ATP11B: variants seen among roughly 807,000 people sequenced by gnomAD.
ATP11B encodes phospholipid-transporting ATPase IF.
ATP11B carries 81 observed loss-of-function variants against 157.8 expected under a neutral mutation model. The observed-to-expected ratio is 0.51, with a 90% CI of 0.43 to 0.62. The LOEUF is 0.62. ATP11B is among the 20% of genes least tolerant of loss of function. ATP11B has a pLI of 0.00. For missense variants in ATP11B, 1,165 were observed against 1,402.2 expected (o/e 0.83, Z 2.70); for synonymous variants, 451 against 469.4 (o/e 0.96, Z 0.51).
rs1725461792 is a variant in ATP11B at position 182,921,209 on chromosome 3, C to T, written c.*3105C>T. 6.6e-6 allele frequency: 1 copy of T among 152,204 alleles called. No individual in the cohort carries two copies. Among genetic ancestry groups the T allele is most frequent in the Non-Finnish European group, 1.5e-5 (1 of 68,006 alleles). 9.4% of individuals were successfully genotyped at this position (152,204 alleles called of 1,614,324 possible). A position where few individuals can be genotyped will look rare whatever the true frequency, so the allele number is the denominator to read the frequency against. On this transcript the variant is annotated 3_prime_UTR_variant, in exon 30 of 30. Coordinates refer to ENST00000323116, the MANE Select transcript of ATP11B (RefSeq NM_014616.3). ...AGATCAGTTTGGGGTATGATATAAG[C>T]AGGTATTAATAAAAATAACACACCA...
At chr3:182,916,871 T>C (rs1264075343) in intron 29 of ATP11B, 8 of 983,240 alleles carry the variant, frequency 8.1e-6, no homozygotes, top group African/African-American at 1.7e-5. Context: ...AGTTAAAAGT[T>C]ATAGTTAAAA....
At chr3:182,829,791 AT>A in intron 4 of ATP11B, 39 bp downstream of exon 4, 1 of 1,483,256 alleles carries the variant, frequency 6.7e-7, no homozygotes, top group South Asian at 1.3e-5. Context: ...CCTCTAAGTC[AT>A]TTAGAAGTTG....
At chr3:182,896,637 CT>C (rs761140748) in intron 25 of ATP11B, 62 bp from the exon 26 acceptor site, 44 of 1,409,466 alleles carry the variant, frequency 3.1e-5, no homozygotes, top group Non-Finnish European at 4.2e-5. Flanking sequence ...AATTAAATGA[CT>C]TTTTACCTGA....
intron 29 of ATP11B, chr3:182,917,129 A>ATC (rs748245602): frequency 4.5e-5 from 44 of 985,248 alleles, no homozygotes; most frequent in Non-Finnish European, 5.2e-5. Context: ...TATTTGACAA[A>ATC]GGTGAATTGG....
At chr3:182,830,984 G>A (rs979461769) in intron 4 of ATP11B, among the ~76,000 whole-genome samples, 7 of 152,012 alleles carry the variant, frequency 4.6e-5, no homozygotes, top group East Asian at 1.9e-4. Context: ...TTTGGACCTC[G>A]TTTCTATATA....
At chr3:182,824,211 G>T (rs1238844021) in intron 2 of ATP11B, among the ~76,000 whole-genome samples, 2 of 152,166 alleles carry the variant, frequency 1.3e-5, no homozygotes, top group Admixed American at 6.5e-5. Context: ...CTGGAATTGT[G>T]TAGTTAATGT....
intron 2 of ATP11B, among the ~76,000 whole-genome samples, chr3:182,824,711 A>G (rs187236068): frequency 2.4e-4 from 36 of 152,268 alleles, no homozygotes; most frequent in African/African-American, 7.2e-4. Context: ...TTAAAGAAGT[A>G]TTGCCTTTTT....
At chr3:182,837,209 C>T (rs748575542) in intron 7 of ATP11B, 35 bp downstream of exon 7, 2 of 1,412,130 alleles carry the variant, frequency 1.4e-6, no homozygotes, top group Non-Finnish European at 2.0e-6. Context: ...TATTTTAAGT[C>T]CTATTTACAG....
At chr3:182,891,894 C>T (rs1283097031) in intron 25 of ATP11B, among the ~76,000 whole-genome samples, 1 of 152,176 alleles carries the variant, frequency 6.6e-6, no homozygotes. Flanking sequence ...TGTGAAAAGG[C>T]ACATAATCCC....
chr3:182,907,759 A>C (rs1490385262), intron 28 of ATP11B, among the ~76,000 whole-genome samples: 1 of 152,216 alleles, frequency 6.6e-6, no homozygotes, highest in Non-Finnish European at 1.5e-5. Flanking sequence ...TAAAACTATA[A>C]AATTGTGTCC....
rs749833317 is a variant in ATP11B at position 182,889,460 on chromosome 3, C to T, written c.2894C>T (p.Thr965Ile). Residue 965 changes from threonine to isoleucine, a missense_variant, in exon 25 of 30, where the codon ACC becomes ATC. Thr to Ile is a moderately conservative substitution (Grantham distance 89, BLOSUM62 -1). Transcript: ENST00000323116. Reference sequence around the variant, plus strand: ...AGTATTAAAACATTTCTTTATTGGACCATCCTGGGCTTCAGTCATGCCTTT... The same window carrying T: ...AGTATTAAAACATTTCTTTATTGGATCATCCTGGGCTTCAGTCATGCCTTT... Reference protein sequence around the residue: ...LLSIKTFLYWTILGFSHAFIF... With the variant: ...LLSIKTFLYWIILGFSHAFIF... The T allele has an allele frequency of 6.3e-7, 1 of 1,576,170 alleles. No individual in the cohort carries two copies. The highest frequency in any genetic ancestry group is 8.6e-7 in the Non-Finnish European group (1 of 1,166,970).
intron 1 of ATP11B, among the ~76,000 whole-genome samples, chr3:182,818,741 A>C (rs1717122661): frequency 6.6e-6 from 1 of 152,204 alleles, no homozygotes; most frequent in Admixed American, 6.5e-5. Context: ...CTTAATGGAA[A>C]TGCTACAAGG....
chr3:182,879,448 T>C (rs781309019), intron 19 of ATP11B, 48 bp from the exon 20 acceptor site: 2 of 1,503,134 alleles, frequency 1.3e-6, no homozygotes, highest in East Asian at 4.6e-5. Context: ...GTGTAAATAA[T>C]ATGGCTTCAA....
intron 1 of ATP11B, among the ~76,000 whole-genome samples, chr3:182,803,752 C>T (rs895943772): frequency 6.6e-6 from 1 of 152,154 alleles, no homozygotes; most frequent in African/African-American, 2.4e-5. Context: ...GGCATCCTTC[C>T]TCCACGAGTC....
intron 3 of ATP11B, among the ~76,000 whole-genome samples, chr3:182,828,750 TTTC>T (rs1717902566): frequency 6.6e-6 from 1 of 151,682 alleles, no homozygotes; most frequent in Admixed American, 6.6e-5. Context: ...TGTTAGACAG[TTTC>T]TTAATTTTCA....
rs765606018 is a variant in ATP11B at position 182,913,856 on chromosome 3, C to T, written c.3319-5C>T. The stretch of plus-strand genomic sequence containing the variant: ...AACTGATGTTTTCTGCTTCACCTCC[C>T]GCAGCTTACTGAAACAAATGCAGGT... On this transcript the variant is annotated splice_region_variant and splice_polypyrimidine_tract_variant and intron_variant, in intron 28 of 29. Coordinates refer to ENST00000323116, the MANE Select transcript of ATP11B (RefSeq NM_014616.3). 18 of 1,613,914 alleles carry T rather than the reference C, an allele frequency of 1.1e-5. No homozygotes were observed. The highest frequency in any genetic ancestry group is 1.4e-5 in the Non-Finnish European group (17 of 1,179,930).
chr3:182,866,281 A>G lies in ATP11B; in HGVS notation c.1457A>G (p.Asp486Gly), dbSNP rs1721224911. The change falls in exon 14 of 30, where the codon GAT becomes GGT. Residue 486 changes from aspartate (D) to glycine (G), a missense_variant. Physicochemically the swap from Asp to Gly is moderately conservative, Grantham distance 94. Transcript: ENST00000323116. ...ACATTTTTACAGATTAAAGAACATG[A>G]TCTCTTCTTTAAAGCAGTCAGTCTC... Reference protein sequence around the residue: ...ENETELIKEHDLFFKAVSLCH... With the variant: ...ENETELIKEHGLFFKAVSLCH... 6.3e-7 allele frequency: 1 copy of G among 1,576,522 alleles called. No homozygotes were observed.
chr3:182,876,543 AT>A (rs1359728563), intron 19 of ATP11B, among the ~76,000 whole-genome samples: 2 of 152,154 alleles, frequency 1.3e-5, no homozygotes, highest in Non-Finnish European at 2.9e-5. Flanking sequence ...ACAGAAATTT[AT>A]TTTTCACAAT....
At chr3:182,894,085 T>A (rs1434782177) in intron 25 of ATP11B, among the ~76,000 whole-genome samples, 1 of 152,228 alleles carries the variant, frequency 6.6e-6, no homozygotes, top group Non-Finnish European at 1.5e-5. Flanking sequence ...ATTAGTCCTT[T>A]GTCAGAAGTG....
Sources: allele counts gnomAD v4.1 joint callset (sites outside exome capture counted in the v4.1 genomes callset), GRCh38; gene constraint gnomAD v4.1.1; transcripts MANE v1.5; gene names NCBI Gene and HGNC (gene_info 2026-07-23, HGNC 2026-07-21).